Variants in NHSL2 observed in about 807,000 individuals in gnomAD.
The protein encoded by NHSL2 is NHS like 2.
A neutral mutation model predicts 53.4 loss-of-function variants in NHSL2; 27 were observed. The observed-to-expected ratio is 0.51, with a 90% CI of 0.37 to 0.70. NHSL2 has a LOEUF of 0.70. Among genes scored for constraint, NHSL2 ranks in the 30% least tolerant of loss-of-function variants. NHSL2 has a pLI of 0.00. For synonymous variants in NHSL2, 408 were observed against 404.1 expected, an observed-to-expected ratio of 1.01 and a Z score of -0.12; for missense variants, 892 against 980.1, an observed-to-expected ratio of 0.91 and a Z score of 1.20.
chrX:71,948,411 G>T (rs2041803262), intron 1 of NHSL2, among the ~76,000 whole-genome samples: 1 of 112,287 alleles, frequency 8.9e-6, no homozygotes, highest in African/African-American at 3.2e-5. Context: ...GCCCAAATTA[G>T]TGTGTGGGGT....
At chrX:72,119,030 C>G (rs778352587) in intron 1 of NHSL2, among the ~76,000 whole-genome samples, 2 of 111,639 alleles carry the variant, frequency 1.8e-5, no homozygotes, top group Admixed American at 1.9e-4. Flanking sequence ...AAAGATTATT[C>G]TTTTCAGCAT....
chrX:71,947,579 G>A (rs1259160248), intron 1 of NHSL2, among the ~76,000 whole-genome samples: 1 of 111,969 alleles, frequency 8.9e-6, no homozygotes, highest in Non-Finnish European at 1.9e-5. Flanking sequence ...TTCATTGAAT[G>A]CCTCCTGGGT....
intron 1 of NHSL2, among the ~76,000 whole-genome samples, chrX:72,110,595 G>A (rs2042083209): frequency 9.2e-6 from 1 of 108,976 alleles, no homozygotes; most frequent in African/African-American, 3.4e-5. Flanking sequence ...CCCCAGCCCC[G>A]GGACACTCCT....
At chrX:72,002,962 T>A (rs192670732) in intron 1 of NHSL2, among the ~76,000 whole-genome samples, 1 of 110,835 alleles carries the variant, frequency 9.0e-6, no homozygotes. Context: ...ATTTGGTGAG[T>A]CACATTCAAT....
chrX:71,956,835 G>A (rs950135924), intron 1 of NHSL2, among the ~76,000 whole-genome samples: 6 of 111,444 alleles, frequency 5.4e-5, no homozygotes, highest in African/African-American at 1.6e-4. Flanking sequence ...AAGAATACAG[G>A]CCTAGTTCCA....
Position 72,130,508 on chromosome X carries a change from T to C in NHSL2, c.281-1571T>C. On this transcript the variant is annotated intron_variant, in intron 1 of 7. Coordinates refer to ENST00000633930, the MANE Select transcript of NHSL2 (RefSeq NM_001013627.3). ...CGTGCCTCTTGGTCTTCATCTTCAC[T>C]GTAGTACTCTTCATCTTCACTTTCT... 6.6e-6 allele frequency: 8 copies of C among 1,211,196 alleles called. No homozygotes were observed. Among genetic ancestry groups the C allele is most frequent in the Non-Finnish European group, 8.9e-6 (8 of 895,036 alleles).
intron 1 of NHSL2, among the ~76,000 whole-genome samples, chrX:71,949,226 A>G (rs944340557): frequency 1.8e-5 from 2 of 111,574 alleles, no homozygotes; most frequent in Admixed American, 1.9e-4. Flanking sequence ...AAATGTTGGC[A>G]CAGCTATGCC....
intron 1 of NHSL2, among the ~76,000 whole-genome samples, chrX:71,997,378 C>G (rs762666096): frequency 8.9e-6 from 1 of 112,547 alleles, no homozygotes; most frequent in South Asian, 3.7e-4. Context: ...CACAGCACAG[C>G]TAGTGCTCTC....
At chrX:71,984,708 G>A (rs1602294764) in intron 1 of NHSL2, among the ~76,000 whole-genome samples, 1 of 112,413 alleles carries the variant, frequency 8.9e-6, no homozygotes, top group East Asian at 2.8e-4. Context: ...GGTAAATCAT[G>A]GTAAGACTGA....
At chrX:72,089,779 T>C (rs947995964) in intron 1 of NHSL2, among the ~76,000 whole-genome samples, 1 of 110,777 alleles carries the variant, frequency 9.0e-6, no homozygotes, top group Non-Finnish European at 1.9e-5. Context: ...CAGATCCCTC[T>C]AAGAGTGGGA....
At chrX:72,029,951 G>A (rs1480724915) in intron 1 of NHSL2, among the ~76,000 whole-genome samples, 2 of 111,561 alleles carry the variant, frequency 1.8e-5, no homozygotes, top group South Asian at 3.8e-4. Context: ...AGAGCTAAAC[G>A]TTATGTGTAC....
At chrX:71,947,179 C>G (rs2041796483) in intron 1 of NHSL2, among the ~76,000 whole-genome samples, 1 of 111,538 alleles carries the variant, frequency 9.0e-6, no homozygotes, top group African/African-American at 3.3e-5. Flanking sequence ...CCTTCCTCTA[C>G]CCTCCCTGCC....
chrX:71,987,072 G>A (rs746689403), intron 1 of NHSL2, among the ~76,000 whole-genome samples: 5 of 111,211 alleles, frequency 4.5e-5, no homozygotes, highest in South Asian at 3.8e-4. Flanking sequence ...TAAGCTGGGC[G>A]CGGTGACTCA....
At chrX:72,129,549 G>A in intron 1 of NHSL2, 1 of 331,782 alleles carries the variant, frequency 3.0e-6, no homozygotes, top group South Asian at 8.0e-5. Flanking sequence ...ATGGGAACAG[G>A]CCCAGAAACT....
chrX:71,957,514 A>C (rs2041848279), intron 1 of NHSL2, among the ~76,000 whole-genome samples: 1 of 111,770 alleles, frequency 8.9e-6, no homozygotes, highest in African/African-American at 3.3e-5. Context: ...GATCCGCCTG[A>C]CTTGGCCTCC....
rs946222061 is a variant in NHSL2, at chrX:72,148,350, T to C, written c.*4776T>C. The stretch of plus-strand genomic sequence containing the variant: ...AACTTTACCTCCAATAAGCTTACCT[T>C]TACAAGCTTCTGCTTTCCCTGCTTC... On this transcript the variant is annotated 3_prime_UTR_variant, in exon 8 of 8. Transcript: ENST00000633930. The C allele has an allele frequency of 9.0e-6, 1 of 111,497 alleles. No individual in the cohort carries two copies. Among genetic ancestry groups the C allele is most frequent in the African/African-American group, 3.3e-5 (1 of 30,648 alleles). The allele number at this position is 111,497 out of a possible 1,213,427, so 9.2% of individuals were successfully genotyped here.
chrX:71,920,215 C>T, intron 1 of NHSL2, among the ~76,000 whole-genome samples: 1 of 112,129 alleles, frequency 8.9e-6, no homozygotes, highest in Middle Eastern at 4.6e-3. Flanking sequence ...AGCCATCTCC[C>T]TGGGTAGAAT....
chrX:72,131,907 T>A (rs2042306577), intron 1 of NHSL2, 172 bp from the exon 2 acceptor site: 3 of 449,911 alleles, frequency 6.7e-6, no homozygotes, highest in Non-Finnish European at 1.1e-5. Flanking sequence ...TGCGGCAGGA[T>A]CTGTCGAGGA....
At chrX:72,039,119 T>TTCCTTTCCTTTCCTTTCCTC (rs2042258625) in intron 1 of NHSL2, among the ~76,000 whole-genome samples, 1 of 99,862 alleles carries the variant, frequency 1.0e-5, no homozygotes, top group South Asian at 4.7e-4. Flanking sequence ...TTCCTTTCCT[T>TTCCTTTCCTTTCCTTTCCTC]TCCTTTCCTT....
Sources: gnomAD v4.1 joint callset for allele counts (sites outside exome capture counted in the v4.1 genomes callset) on GRCh38, gnomAD v4.1.1 for gene constraint, MANE v1.5 for transcripts, NCBI Gene and HGNC (gene_info 2026-07-23, HGNC 2026-07-21) for gene names.